Variants in RELCH observed in about 807,000 individuals in gnomAD.
RELCH encodes the protein RAB11-binding protein RELCH.
Under a neutral mutation model 150.3 loss-of-function variants are expected in RELCH, and 41 were observed. The ratio of observed to expected loss-of-function variants is 0.27; its 90% CI spans 0.21 to 0.35. RELCH has a LOEUF of 0.35. Ranked by LOEUF, RELCH falls within the 10% of genes least tolerant of loss-of-function variation. The pLI, the probability that RELCH is intolerant of heterozygous loss-of-function variation, is 1.00. For missense variants in RELCH, 1,092 were observed against 1,467.8 expected (o/e 0.74, Z 4.18); for synonymous variants, 478 against 531.8 (o/e 0.90, Z 1.39).
In RELCH at chr18:62,264,009, A is replaced by T. The variant is rs780920433; in HGVS notation, c.2371A>T (p.Met791Leu). 6.2e-7 allele frequency: 1 copy of T among 1,608,468 alleles called. No homozygotes were observed. The highest frequency in any genetic ancestry group is 1.7e-5 in the Admixed American group (1 of 59,036). Residue 791 changes from methionine (M) to leucine (L), a missense_variant, in exon 17 of 29, where the codon ATG (methionine) becomes TTG (leucine). Around this residue, in one of 4 missense-constraint regions of RELCH, gnomAD observed 707 missense variants for 1,025.4 expected, o/e 0.69. Transcript: ENST00000644646. The stretch of plus-strand genomic sequence containing the variant: ...TGTAGTGACTAGGTTTCCTCGGCCT[A>T]TGTCGCCTCTTCAAGATGTGTCCAC... ...QIEVTRFPRP[M>L]SPLQDVSTII...
At chr18:62,213,931 A>G (rs1279429567) in intron 2 of RELCH, among the ~76,000 whole-genome samples, 1 of 152,018 alleles carries the variant, frequency 6.6e-6, no homozygotes. Context: ...ATGCTTTTTG[A>G]GAGACAATGA....
intron 7 of RELCH, 105 bp from the exon 8 acceptor site, chr18:62,228,200 A>G (rs1353066528): frequency 1.1e-6 from 1 of 901,038 alleles, no homozygotes; most frequent in Non-Finnish European, 1.7e-6. Context: ...TGCTACTAAT[A>G]CTTTTAAATA....
Position 62,228,487 on chromosome 18 carries a change from C to T in RELCH, c.1337C>T (p.Ser446Phe). ...CTTTCAATATCAGATGAAGCTGATTCCACTATTCCTAAAGAGAATTCCCCA... is the reference window on the plus strand; with the variant it reads ...CTTTCAATATCAGATGAAGCTGATTTCACTATTCCTAAAGAGAATTCCCCA... ...IHLSISDEAD[S>F]TIPKENSPNS... The change falls in exon 8 of 29, where the codon TCC becomes TTC. Residue 446 changes from serine to phenylalanine, a missense_variant. Ser to Phe is a radical substitution (Grantham distance 155). Coordinates refer to ENST00000644646, the MANE Select transcript of RELCH (RefSeq NM_001346231.2). The T allele has an allele frequency of 6.2e-7, 1 of 1,613,200 alleles. No homozygotes were observed. Among genetic ancestry groups the T allele is most frequent in the Non-Finnish European group, 8.5e-7 (1 of 1,179,514 alleles).
intron 1 of RELCH, among the ~76,000 whole-genome samples, chr18:62,202,544 G>T (rs1343115063): frequency 6.6e-6 from 1 of 152,044 alleles, no homozygotes; most frequent in African/African-American, 2.4e-5. Flanking sequence ...ATATGAAGTT[G>T]TTGGCTTGGA....
At chr18:62,280,217 A>G (rs2044434280) in intron 23 of RELCH, 3 of 660,078 alleles carry the variant, frequency 4.5e-6, no homozygotes, top group South Asian at 1.8e-5. Context: ...GCATGAACCA[A>G]TGGCCTAACA....
At chr18:62,219,400 T>C (rs1307300242) in intron 2 of RELCH, among the ~76,000 whole-genome samples, 1 of 149,112 alleles carries the variant, frequency 6.7e-6, no homozygotes, top group African/African-American at 2.4e-5. Context: ...TGTAATGTCT[T>C]AGAAAATTTT....
At chr18:62,239,629 C>T (rs556602982) in intron 10 of RELCH, among the ~76,000 whole-genome samples, 1 of 152,036 alleles carries the variant, frequency 6.6e-6, no homozygotes, top group Non-Finnish European at 1.5e-5. Flanking sequence ...ACTAGACTTA[C>T]ATTTCCAAAT....
Position 62,305,553 on chromosome 18 carries a change from C to A in RELCH, c.*19C>A. On this transcript the variant is annotated 3_prime_UTR_variant, in exon 29 of 29. Transcript: ENST00000644646. The surrounding 1 kb of genome is among the most constrained non-coding windows in gnomAD (Gnocchi z 4.0). ...GAAGTAGAAGCAGGAAAGAAGCCCC[C>A]AGTAAACACTAAGATGGACCTCAAG... The A allele has an allele frequency of 1.3e-6, 2 of 1,599,936 alleles. No individual in the cohort carries two copies. The highest frequency in any genetic ancestry group is 1.7e-6 in the Non-Finnish European group (2 of 1,174,328).
chr18:62,260,105 C>A (rs1375545692), intron 15 of RELCH, among the ~76,000 whole-genome samples: 1 of 147,202 alleles, frequency 6.8e-6, no homozygotes, highest in East Asian at 2.0e-4. Flanking sequence ...GAACAAACAG[C>A]CTACAGAATG....
rs559211020 is a variant in RELCH, at chr18:62,231,917, T to TA, written c.1525-414dup. 7.5e-3 allele frequency among the ~76,000 whole-genome samples: 1,141 copies of TA among 152,146 alleles called. 5 individuals are homozygous for TA. The highest frequency in any genetic ancestry group is 0.012 in the Non-Finnish European group (803 of 67,936). ...TAAGACTGGATCACCTTCCTTAGCC[T>TA]ACCCCTTGTATTTCCAAGTTCTTTG... On this transcript the variant is annotated intron_variant, in intron 9 of 28. Transcript: ENST00000644646.
chr18:62,293,800 T>A (rs1308407393), intron 27 of RELCH, among the ~76,000 whole-genome samples: 2 of 152,134 alleles, frequency 1.3e-5, no homozygotes, highest in Non-Finnish European at 2.9e-5. Context: ...GTTCCATATA[T>A]GCCCCTCCCT....
chr18:62,202,527 CT>C (rs1305454522), intron 1 of RELCH, among the ~76,000 whole-genome samples: 5 of 151,018 alleles, frequency 3.3e-5, no homozygotes, highest in African/African-American at 9.7e-5. Flanking sequence ...CTTTTTTTTC[CT>C]GGAGAATATG....
intron 11 of RELCH, among the ~76,000 whole-genome samples, chr18:62,245,552 A>G (rs1052726902): frequency 6.6e-6 from 1 of 152,046 alleles, no homozygotes; most frequent in Admixed American, 6.6e-5. Flanking sequence ...CTTGAACCCA[A>G]GAGGCAGAGG....
chr18:62,216,317 G>A (rs1197251428), intron 2 of RELCH, among the ~76,000 whole-genome samples: 1 of 152,030 alleles, frequency 6.6e-6, no homozygotes, highest in Non-Finnish European at 1.5e-5. Context: ...TACAAGTTCA[G>A]TACGTTGGAA....
At chr18:62,270,145 G>A (rs907927315) in intron 20 of RELCH, among the ~76,000 whole-genome samples, 1 of 152,138 alleles carries the variant, frequency 6.6e-6, no homozygotes, top group African/African-American at 2.4e-5. Flanking sequence ...GTCTCCACAT[G>A]GCTTCTGAAG....
intron 1 of RELCH, among the ~76,000 whole-genome samples, chr18:62,199,992 A>C (rs1039481810): frequency 6.6e-6 from 1 of 152,246 alleles, no homozygotes; most frequent in Non-Finnish European, 1.5e-5. Context: ...ATCACTAACA[A>C]TAATCATTCT....
chr18:62,239,278 T>G (rs1040944149), intron 10 of RELCH, among the ~76,000 whole-genome samples: 28 of 152,130 alleles, frequency 1.8e-4, no homozygotes, highest in African/African-American at 6.7e-4. Context: ...ATTCTAAGAA[T>G]CGGTATTTTT....
At chr18:62,283,651 AG>A (rs1568431970) in intron 25 of RELCH, among the ~76,000 whole-genome samples, 1 of 152,122 alleles carries the variant, frequency 6.6e-6, no homozygotes, top group African/African-American at 2.4e-5. Flanking sequence ...TTTTTTCACT[AG>A]GTAAGTGTCT....
intron 15 of RELCH, among the ~76,000 whole-genome samples, chr18:62,259,221 T>C (rs2043138374): frequency 6.6e-6 from 1 of 152,018 alleles, no homozygotes; most frequent in Admixed American, 6.6e-5. Context: ...AGAAGAGAAA[T>C]TATTATTTGT....
Sources: allele counts gnomAD v4.1 joint callset (sites outside exome capture counted in the v4.1 genomes callset), GRCh38; gene constraint gnomAD v4.1.1; regional missense constraint gnomAD v4.1.1; non-coding constraint Gnocchi (gnomAD v3.1); transcripts MANE v1.5; gene names NCBI Gene and HGNC (gene_info 2026-07-23, HGNC 2026-07-21).